The following DNAH7 variants were observed in gnomAD, a reference collection of about 807,000 sequenced individuals.
DNAH7 encodes dynein axonemal heavy chain 7.
Under a neutral mutation model 444.6 loss-of-function variants are expected in DNAH7, and 397 were observed. The observed-to-expected ratio is 0.89, with a 90% CI of 0.82 to 0.97. The LOEUF (loss-of-function observed/expected upper bound fraction) is 0.97, where lower values mean the gene tolerates loss of function less well. Ranked by LOEUF, DNAH7 falls within the 50% of genes least tolerant of loss-of-function variation. DNAH7 has a pLI of 0.00. For missense variants in DNAH7, 4,902 were observed against 4,800.8 expected (o/e 1.02, Z -0.62); for synonymous variants, 1,636 against 1,624.4 (o/e 1.01, Z -0.17).
chr2:195,948,953 T>C (rs570232536), intron 19 of DNAH7, among the ~76,000 whole-genome samples: 1 of 152,346 alleles, frequency 6.6e-6, no homozygotes, highest in South Asian at 2.1e-4. Context: ...TTTGTTTGTA[T>C]CTTCTCTTAC....
chr2:196,046,429 G>GA (rs199773954), intron 5 of DNAH7, among the ~76,000 whole-genome samples: 124 of 147,882 alleles, frequency 8.4e-4, no homozygotes, highest in Non-Finnish European at 6.6e-4. Flanking sequence ...GCTCCAGGTA[G>GA]AAAAAAAAAA....
intron 61 of DNAH7, among the ~76,000 whole-genome samples, chr2:195,763,344 C>A (rs1694435024): frequency 6.6e-6 from 1 of 151,686 alleles, no homozygotes; most frequent in African/African-American, 2.4e-5. Flanking sequence ...AAAGCAAGAG[C>A]AAACCAAACC....
chr2:195,816,697 AGTGAATACT>A lies in DNAH7; in HGVS notation c.9683_9691del (p.Gln3228_Ser3230del). The A allele has an allele frequency of 6.2e-7, 1 of 1,614,188 alleles. No individual in the cohort carries two copies. Among genetic ancestry groups the A allele is most frequent in the Non-Finnish European group, 8.5e-7 (1 of 1,180,008 alleles). On this transcript the variant is annotated inframe_deletion, in exon 51 of 65. Coordinates refer to ENST00000312428, the MANE Select transcript of DNAH7 (RefSeq NM_018897.3). ...GATGAAAAGGTTAATAAACCAGGTC[AGTGAATACT>A]GGTACATGGGCTCAATGTTGGCTAA...
At chr2:195,940,308 C>A (rs1050739990) in intron 19 of DNAH7, among the ~76,000 whole-genome samples, 3 of 152,180 alleles carry the variant, frequency 2.0e-5, no homozygotes, top group African/African-American at 7.2e-5. Flanking sequence ...GCTGAGAAAA[C>A]TGGCTAGCCA....
In DNAH7 at chr2:195,988,077, G is replaced by A. The variant is rs772008118; in HGVS notation, c.1506C>T (p.Thr502=). 1 of 1,613,536 alleles carries A rather than the reference G, an allele frequency of 6.2e-7. No individual in the cohort carries two copies. The highest frequency in any genetic ancestry group is 8.5e-7 in the Non-Finnish European group (1 of 1,179,734). Residue 502 remains threonine (T), a synonymous_variant, in exon 13 of 65, where the codon ACC becomes ACT. Transcript: ENST00000312428. ...RLYDKYDFLI[T]RKAERDVDNF... ...TATCAACATCTCGCTCAGCTTTTCTGGTAATTAAAAAGTCATACTTGTCAT... is the reference window on the plus strand; with the variant it reads ...TATCAACATCTCGCTCAGCTTTTCTAGTAATTAAAAAGTCATACTTGTCAT...
chr2:195,946,963 C>A (rs1689852261), intron 19 of DNAH7, among the ~76,000 whole-genome samples: 1 of 151,868 alleles, frequency 6.6e-6, no homozygotes, highest in South Asian at 2.1e-4. Flanking sequence ...ATTGAAAGAT[C>A]AATAAGGGAG....
At chr2:195,749,973 A>G (rs541654127) in intron 63 of DNAH7, among the ~76,000 whole-genome samples, 6 of 152,122 alleles carry the variant, frequency 3.9e-5, no homozygotes, top group African/African-American at 9.6e-5. Flanking sequence ...TCTAAAACTT[A>G]AAGTATAATA....
rs1213366152 is a variant in DNAH7 at position 195,972,395 on chromosome 2, G to T, written c.1905C>A (p.Cys635Ter). 6.2e-7 allele frequency: 1 copy of T among 1,614,056 alleles called. No individual in the cohort carries two copies. Among genetic ancestry groups the T allele is most frequent in the South Asian group, 1.1e-5 (1 of 91,070 alleles). The change falls in exon 16 of 65, where the codon TGC (cysteine) becomes TGA (stop). Residue 635 changes from cysteine (C) to a stop codon, truncating the protein, a stop_gained. Transcript: ENST00000312428. LOFTEE classifies it high-confidence loss of function. ...LEQRLVDSKN[C>*]LAFLIEYVNF... Reference sequence around the variant, plus strand: ...TGACATACTCGATGAGGAAGGCGAGGCAGTTTTTGGAATCCACTAATCTCT... The same window carrying T: ...TGACATACTCGATGAGGAAGGCGAGTCAGTTTTTGGAATCCACTAATCTCT...
intron 1 of DNAH7, among the ~76,000 whole-genome samples, chr2:196,059,078 T>A (rs377428647): frequency 6.6e-6 from 1 of 152,218 alleles, no homozygotes; most frequent in East Asian, 1.9e-4. Flanking sequence ...TAATGGAGAA[T>A]TGGGCATATC....
At chr2:196,047,579 G>A (rs1248988504) in intron 4 of DNAH7, 80 bp from the exon 5 acceptor site, 67 of 1,192,982 alleles carry the variant, frequency 5.6e-5, no homozygotes, top group Non-Finnish European at 7.4e-5. Flanking sequence ...AAAATAAGAT[G>A]CTAAATCACC....
chr2:195,908,808 A>C (rs1262998136), intron 25 of DNAH7, among the ~76,000 whole-genome samples: 1 of 152,132 alleles, frequency 6.6e-6, no homozygotes, highest in Non-Finnish European at 1.5e-5. Flanking sequence ...ATATTTTATT[A>C]ATTATAATTT....
At chr2:196,041,351 T>C (rs1056505899) in intron 5 of DNAH7, among the ~76,000 whole-genome samples, 1 of 152,010 alleles carries the variant, frequency 6.6e-6, no homozygotes, top group Non-Finnish European at 1.5e-5. Context: ...ATAATGCTGA[T>C]ATAAAAACAG....
intron 63 of DNAH7, among the ~76,000 whole-genome samples, chr2:195,743,087 T>C (rs1304051442): frequency 6.6e-6 from 1 of 152,216 alleles, no homozygotes; most frequent in African/African-American, 2.4e-5. Context: ...GCCTTCATCT[T>C]TCTCCCATGC....
In DNAH7 at chr2:196,001,876, CTT is replaced by C; in HGVS notation, c.990-20_990-19del. The C allele has an allele frequency of 2.5e-6, 4 of 1,582,654 alleles. No homozygotes were observed. The highest frequency in any genetic ancestry group is 2.3e-5 in the East Asian group (1 of 44,406). On this transcript the variant is annotated intron_variant, in intron 10 of 64. Transcript: ENST00000312428. The stretch of plus-strand genomic sequence containing the variant: ...GAAACCACCTTGAAAGAACAAAAGA[CTT>C]TTAAAAGTCAGTGCTTTCAGTGAAT...
intron 2 of DNAH7, among the ~76,000 whole-genome samples, chr2:196,055,489 G>A (rs1037876615): frequency 2.0e-5 from 3 of 152,190 alleles, no homozygotes; most frequent in Non-Finnish European, 2.9e-5. Flanking sequence ...TTAGGGGAAC[G>A]TTTCACACAT....
chr2:196,024,264 A>G (rs914311641), intron 8 of DNAH7, among the ~76,000 whole-genome samples, 165 bp downstream of exon 8: 4 of 152,220 alleles, frequency 2.6e-5, no homozygotes, highest in Non-Finnish European at 1.5e-5. Flanking sequence ...ACAATAAAGC[A>G]AAGTGCAATA....
chr2:196,048,497 T>G, intron 3 of DNAH7, 93 bp from the exon 4 acceptor site: 1 of 997,562 alleles, frequency 1.0e-6, no homozygotes, highest in South Asian at 1.5e-5. Flanking sequence ...ACAGACATTT[T>G]CTCAAACAGA....
intron 63 of DNAH7, among the ~76,000 whole-genome samples, chr2:195,750,626 G>T (rs947392836): frequency 2.0e-5 from 3 of 152,192 alleles, no homozygotes; most frequent in Non-Finnish European, 4.4e-5. Flanking sequence ...AGATGGCCTG[G>T]GTCTGAATCT....
intron 19 of DNAH7, among the ~76,000 whole-genome samples, chr2:195,953,691 G>A (rs890165778): frequency 6.6e-6 from 1 of 152,188 alleles, no homozygotes; most frequent in African/African-American, 2.4e-5. Context: ...GAGCTGCAGT[G>A]TTCTGGGCTC....
Sources: gnomAD v4.1 joint callset for allele counts (sites outside exome capture counted in the v4.1 genomes callset) on GRCh38, gnomAD v4.1.1 for gene constraint, MANE v1.5 for transcripts, NCBI Gene and HGNC (gene_info 2026-07-23, HGNC 2026-07-21) for gene names.